Variants in CTNNA2 observed in about 807,000 individuals in gnomAD.
CTNNA2 encodes the protein catenin alpha-2.
CTNNA2 carries 42 observed loss-of-function variants against 101.0 expected under a neutral mutation model. That is an observed-to-expected ratio of 0.42 (90% CI 0.32 to 0.54). The LOEUF is 0.54. Among genes scored for constraint, CTNNA2 ranks in the 20% least tolerant of loss-of-function variants. CTNNA2 has a pLI of 0.14. For synonymous variants in CTNNA2, 450 were observed against 456.4 expected (o/e 0.99, Z 0.18); for missense variants, 871 against 1,223.1 (o/e 0.71, Z 4.29).
rs536116407 is a variant in CTNNA2 at position 80,366,335 on chromosome 2, ATTTCT to A, written c.1057-26872_1057-26868del. Among the ~76,000 whole-genome samples the A allele has an allele frequency of 4.0e-3, 609 of 152,188 alleles. 2 individuals carry two copies. Among genetic ancestry groups the A allele is most frequent in the African/African-American group, 0.013 (558 of 41,530 alleles). ...AAGCAGGGTTAATCAAGTTAAACAGATTTCTTTTATTTGTCACTGTCAGTGCCTTG... is the reference window on the plus strand; with the variant it reads ...AAGCAGGGTTAATCAAGTTAAACAGATTTATTTGTCACTGTCAGTGCCTTG... On this transcript the variant is annotated intron_variant, in intron 7 of 18. Transcript: ENST00000402739.
intron 12 of CTNNA2, among the ~76,000 whole-genome samples, chr2:80,569,228 A>C (rs1188775068): frequency 2.0e-5 from 3 of 152,178 alleles, no homozygotes; most frequent in African/African-American, 7.2e-5. Flanking sequence ...GATCAACACT[A>C]GAATGATGCG....
intron 4 of CTNNA2, among the ~76,000 whole-genome samples, chr2:79,388,086 G>T (rs1324855592): frequency 6.6e-6 from 1 of 152,148 alleles, no homozygotes; most frequent in Non-Finnish European, 1.5e-5. Flanking sequence ...CCCAGAAACA[G>T]AAAATCTGAA....
chr2:80,127,787 T>C (rs1216540185), intron 7 of CTNNA2, among the ~76,000 whole-genome samples: 2 of 152,128 alleles, frequency 1.3e-5, no homozygotes, highest in African/African-American at 4.8e-5. Context: ...GAAGTGCAAC[T>C]CTCTGGAACT....
At position 79,973,536 on chromosome 2, in the gene CTNNA2, G is replaced by T. The variant is rs114558045; in HGVS notation, c.1056+63739G>T. ...TTATTGGAAAAAAATATTGAAGCCT[G>T]TTAACAGGAGGAATAGGTTTTGCCC... On this transcript the variant is annotated intron_variant, in intron 7 of 18. Transcript: ENST00000402739. Among the ~76,000 whole-genome samples the T allele has an allele frequency of 3.0e-4, 45 of 152,272 alleles. No individual in the cohort carries two copies. The Middle Eastern group carries it at 0.02, about 69-fold the overall frequency.
intron 4 of CTNNA2, among the ~76,000 whole-genome samples, chr2:79,453,995 A>G (rs1670786309): frequency 6.6e-6 from 1 of 152,148 alleles, no homozygotes; most frequent in South Asian, 2.1e-4. Context: ...TTATTATCAT[A>G]TAGATAAAGC....
chr2:80,598,003 A>G (rs1697135901), intron 15 of CTNNA2, among the ~76,000 whole-genome samples: 1 of 152,204 alleles, frequency 6.6e-6, no homozygotes, highest in Admixed American at 6.5e-5. Flanking sequence ...ACACTTGCAT[A>G]TATGTATGTT....
In CTNNA2 at chr2:80,059,811, A is replaced by G. The variant is rs181547414; in HGVS notation, c.1056+150014A>G. On this transcript the variant is annotated intron_variant, in intron 7 of 18. Transcript: ENST00000402739. Reference sequence around the variant, plus strand: ...AGCCTGACAAACTTAAACAATGGGGATTTCTGGCCTTAAGGCCAAGATCTT... The same window carrying G: ...AGCCTGACAAACTTAAACAATGGGGGTTTCTGGCCTTAAGGCCAAGATCTT... Among the ~76,000 whole-genome samples the G allele has an allele frequency of 1.7e-3, 259 of 152,302 alleles. 1 individual carries two copies. Among genetic ancestry groups the G allele is most frequent in the Admixed American group, 2.7e-3 (42 of 15,302 alleles).
intron 7 of CTNNA2, among the ~76,000 whole-genome samples, chr2:80,014,346 A>G (rs1371380017): frequency 6.6e-6 from 1 of 151,880 alleles, no homozygotes; most frequent in Non-Finnish European, 1.5e-5. Context: ...ACGACAATGA[A>G]AAAAGACAAG....
At chr2:80,528,257 G>A (rs1184384938) in intron 9 of CTNNA2, among the ~76,000 whole-genome samples, 5 of 152,132 alleles carry the variant, frequency 3.3e-5, no homozygotes, top group African/African-American at 7.2e-5. Context: ...GTACAGTGGC[G>A]TGATCTTGGC....
Position 79,622,449 on chromosome 2 carries a change from A to G in CTNNA2, c.-5-29103A>G, listed in dbSNP as rs185922884. The stretch of plus-strand genomic sequence containing the variant: ...AGAAAGAGGAAGAATTTATGTAATG[A>G]TCCTTTAAATTGTGATGAAAATATG... On this transcript the variant is annotated intron_variant, in intron 1 of 18. Coordinates refer to ENST00000402739, the MANE Select transcript of CTNNA2 (RefSeq NM_001282597.3). 1.3e-3 allele frequency among the ~76,000 whole-genome samples: 193 copies of G among 152,334 alleles called. 1 individual carries two copies. Among genetic ancestry groups the G allele is most frequent in the Middle Eastern group, 3.4e-3 (1 of 294 alleles).
intron 12 of CTNNA2, among the ~76,000 whole-genome samples, chr2:80,564,577 T>C (rs1019355329): frequency 4.0e-5 from 6 of 151,238 alleles, no homozygotes; most frequent in Non-Finnish European, 5.9e-5. Flanking sequence ...ACAATTCATC[T>C]CATGGGTTAT....
chr2:79,719,556 T>G (rs1264950531), intron 2 of CTNNA2, among the ~76,000 whole-genome samples: 1 of 152,152 alleles, frequency 6.6e-6, no homozygotes, highest in Non-Finnish European at 1.5e-5. Context: ...CTCACCAGTT[T>G]CTGTTGTTTT....
chr2:80,034,354 C>CTT (rs1199616310), intron 7 of CTNNA2, among the ~76,000 whole-genome samples: 9,289 of 53,846 alleles, frequency 0.17, 438 homozygotes, highest in East Asian at 0.4. Context: ...ATTTTTTTTT[C>CTT]TTTTTTTTTT....
rs1402688319 is a variant in CTNNA2, at chr2:79,523,842, CTT to C, written c.-6+10638_-6+10639del. ...TGTTTCCCAGATTTCTAGAGGTTATCTTTTCATTTGCTTTCTGTCTAATGGCC... is the reference window on the plus strand; with the variant it reads ...TGTTTCCCAGATTTCTAGAGGTTATCTTCATTTGCTTTCTGTCTAATGGCC... On this transcript the variant is annotated intron_variant, in intron 1 of 18. Transcript: ENST00000402739. Among the ~76,000 whole-genome samples, 4 of 152,106 alleles carry C rather than the reference CTT, an allele frequency of 2.6e-5. No individual in the cohort carries two copies. In the East Asian group the frequency reaches 7.7e-4, roughly 29 times the overall value.
intron 9 of CTNNA2, among the ~76,000 whole-genome samples, chr2:80,461,948 T>C (rs1260078372): frequency 6.6e-6 from 1 of 152,230 alleles, no homozygotes; most frequent in African/African-American, 2.4e-5. Context: ...GTGGGCTTTG[T>C]GCTCAGCCCC....
At chr2:80,208,230 T>C (rs574731790) in intron 7 of CTNNA2, among the ~76,000 whole-genome samples, 7 of 152,338 alleles carry the variant, frequency 4.6e-5, no homozygotes, top group Admixed American at 2.0e-4. Context: ...TCTTTTCATA[T>C]GTGCTTTAAT....
chr2:80,096,104 A>C (rs1362238326), intron 7 of CTNNA2, among the ~76,000 whole-genome samples: 1 of 151,716 alleles, frequency 6.6e-6, no homozygotes, highest in East Asian at 1.9e-4. Flanking sequence ...TTAGGGTGTC[A>C]ATTTTAGATC....
chr2:80,614,861 G>T (rs1698724642), intron 17 of CTNNA2, among the ~76,000 whole-genome samples: 1 of 151,382 alleles, frequency 6.6e-6, no homozygotes, highest in East Asian at 2.0e-4. Flanking sequence ...GTTGAGTGAA[G>T]ACCTTTATTT....
chr2:79,990,761 A>G (rs1207165849), intron 7 of CTNNA2, among the ~76,000 whole-genome samples: 1 of 152,124 alleles, frequency 6.6e-6, no homozygotes, highest in East Asian at 1.9e-4. Context: ...TGTCTCTGCC[A>G]GGCTTTGGTA....
Sources: gnomAD v4.1 joint callset for allele counts (sites outside exome capture counted in the v4.1 genomes callset) on GRCh38, gnomAD v4.1.1 for gene constraint, MANE v1.5 for transcripts, NCBI Gene and HGNC (gene_info 2026-07-23, HGNC 2026-07-21) for gene names.